Variants in ERBB4 observed in about 807,000 individuals in gnomAD.
ERBB4 encodes receptor tyrosine-protein kinase erbB-4.
A neutral mutation model predicts 158.0 loss-of-function variants in ERBB4; 42 were observed. That is an observed-to-expected ratio of 0.27 (90% CI 0.21 to 0.34). The LOEUF (loss-of-function observed/expected upper bound fraction) is 0.34, where lower values mean the gene tolerates loss of function less well. ERBB4 is among the 10% of genes least tolerant of loss of function. ERBB4 has a pLI of 1.00. For synonymous variants in ERBB4, 583 were observed against 558.7 expected (o/e 1.04, Z -0.61); for missense variants, 1,333 against 1,624.1 (o/e 0.82, Z 3.08).
chr2:211,820,467 A>C (rs1006633534), intron 3 of ERBB4, among the ~76,000 whole-genome samples: 1 of 151,918 alleles, frequency 6.6e-6, no homozygotes, highest in Non-Finnish European at 1.5e-5. Flanking sequence ...GAAAAGTCTA[A>C]GACCAATGGC....
chr2:211,874,613 A>C (rs2078444410), intron 3 of ERBB4, among the ~76,000 whole-genome samples: 1 of 152,172 alleles, frequency 6.6e-6, no homozygotes, highest in East Asian at 1.9e-4. Flanking sequence ...TTCAGGGACC[A>C]GTGCTCTCTC....
At chr2:212,501,152 A>C (rs1478672063) in intron 1 of ERBB4, among the ~76,000 whole-genome samples, 1 of 152,186 alleles carries the variant, frequency 6.6e-6, no homozygotes, top group Non-Finnish European at 1.5e-5. Context: ...GAGGACAAAG[A>C]TACACAGCCA....
chr2:211,485,398 G>A (rs2065178446), intron 20 of ERBB4, among the ~76,000 whole-genome samples: 1 of 152,050 alleles, frequency 6.6e-6, no homozygotes, highest in African/African-American at 2.4e-5. Context: ...CTATAGACCA[G>A]CAGGAGAGTA....
intron 1 of ERBB4, among the ~76,000 whole-genome samples, chr2:212,309,251 C>T (rs939532927): frequency 2.7e-5 from 4 of 150,892 alleles, no homozygotes; most frequent in African/African-American, 9.7e-5. Flanking sequence ...CCAATCAACA[C>T]TTTTAGTCTG....
At chr2:212,101,011 C>G (rs963551776) in intron 2 of ERBB4, among the ~76,000 whole-genome samples, 6 of 152,020 alleles carry the variant, frequency 3.9e-5, no homozygotes, top group Admixed American at 1.3e-4. Context: ...TATGAAGTGT[C>G]TGGGATAGTC....
intron 4 of ERBB4, among the ~76,000 whole-genome samples, chr2:211,758,486 A>T (rs1046546821): frequency 1.3e-5 from 2 of 152,224 alleles, no homozygotes; most frequent in Admixed American, 1.3e-4. Flanking sequence ...AGCATTAATT[A>T]TCACTGTTTA....
At chr2:211,388,920 T>C (rs2062742945) in intron 25 of ERBB4, among the ~76,000 whole-genome samples, 1 of 152,224 alleles carries the variant, frequency 6.6e-6, no homozygotes, top group Admixed American at 6.5e-5. Flanking sequence ...ACAGGGATAA[T>C]GCAAAACACA....
At chr2:212,467,041 T>A (rs1688873198) in intron 1 of ERBB4, among the ~76,000 whole-genome samples, 1 of 152,142 alleles carries the variant, frequency 6.6e-6, no homozygotes. Context: ...AACTTTGAAC[T>A]TGAGATAAAT....
In ERBB4 at chr2:211,386,889, C is replaced by A. The variant is rs781436663; in HGVS notation, c.3445G>T (p.Gly1149Cys). 6.2e-7 allele frequency: 1 copy of A among 1,614,066 alleles called. No homozygotes were observed. The highest frequency in any genetic ancestry group is 1.3e-5 in the African/African-American group (1 of 74,926). The change falls in exon 27 of 28, where the codon GGT becomes TGT. Residue 1149 changes from glycine to cysteine, a missense_variant. Physicochemically the swap from Gly to Cys is radical, Grantham distance 159. This residue lies in a region of ERBB4 where 252 missense variants were observed against 241.3 expected (regional missense o/e 1.04). Coordinates refer to ENST00000342788, the MANE Select transcript of ERBB4 (RefSeq NM_005235.3). ...TTGTCTCGCATAGGAGTCATGTAAC[C>A]TTCCTCATCCAGCTCTCCTCGTGGG... Reference protein sequence around the residue: ...RSPRGELDEEGYMTPMRDKPK... With the variant: ...RSPRGELDEECYMTPMRDKPK...
chr2:211,516,478 C>T (rs936038158), intron 20 of ERBB4, among the ~76,000 whole-genome samples: 2 of 151,782 alleles, frequency 1.3e-5, no homozygotes, highest in Non-Finnish European at 2.9e-5. Flanking sequence ...GGATTATAGG[C>T]GTGCGCCACC....
At position 211,563,594 on chromosome 2, in the gene ERBB4, T is replaced by C. The variant is rs551442725; in HGVS notation, c.2302-1506A>G. Among the ~76,000 whole-genome samples the C allele has an allele frequency of 1.2e-4, 18 of 152,298 alleles. 1 individual carries two copies. The South Asian group carries it at 3.5e-3, about 30-fold the overall frequency. ...AACATTCTTGGGATAATTGAGGAAA[T>C]CTAAATAGGGACTATATATCATGTA... On this transcript the variant is annotated intron_variant, in intron 19 of 27. Coordinates refer to ENST00000342788, the MANE Select transcript of ERBB4 (RefSeq NM_005235.3).
intron 1 of ERBB4, among the ~76,000 whole-genome samples, chr2:212,515,333 T>C (rs1691763849): frequency 6.6e-6 from 1 of 152,214 alleles, no homozygotes; most frequent in Admixed American, 6.5e-5. Context: ...AACTGGTTTG[T>C]AGTCCACAGA....
chr2:212,260,649 C>A (rs1393790954), intron 1 of ERBB4, among the ~76,000 whole-genome samples: 3 of 151,952 alleles, frequency 2.0e-5, no homozygotes, highest in African/African-American at 7.3e-5. Context: ...CCCGTCTCTA[C>A]TAAAAATACA....
intron 1 of ERBB4, among the ~76,000 whole-genome samples, chr2:212,299,836 C>G (rs10170924): frequency 0.96 from 145,213 of 151,660 alleles, 69,596 homozygotes; most frequent in African/African-American, 0.99. Flanking sequence ...AATTCAGTTT[C>G]TTTTGTGCAT....
At chr2:211,793,853 G>T (rs1364259305) in intron 3 of ERBB4, among the ~76,000 whole-genome samples, 2 of 151,872 alleles carry the variant, frequency 1.3e-5, no homozygotes, top group Non-Finnish European at 2.9e-5. Context: ...TGCTTGAGGA[G>T]ACAATGGCTC....
At chr2:212,009,640 G>A (rs2076337862) in intron 2 of ERBB4, among the ~76,000 whole-genome samples, 1 of 152,164 alleles carries the variant, frequency 6.6e-6, no homozygotes, top group African/African-American at 2.4e-5. Context: ...AGGAAGTTGA[G>A]AGTGAGAGAG....
intron 2 of ERBB4, among the ~76,000 whole-genome samples, chr2:212,050,894 C>T (rs2077381715): frequency 6.6e-6 from 1 of 152,120 alleles, no homozygotes. Context: ...AATCCACCTC[C>T]AGAAAATGGG....
intron 2 of ERBB4, among the ~76,000 whole-genome samples, chr2:211,975,054 G>A (rs558412278): frequency 1.9e-3 from 287 of 152,048 alleles, no homozygotes; most frequent in African/African-American, 6.0e-3. Context: ...CACAATCGCA[G>A]CCCACTGCAG....
chr2:211,642,739 A>C (rs1419331082), intron 16 of ERBB4, among the ~76,000 whole-genome samples: 1 of 152,130 alleles, frequency 6.6e-6, no homozygotes, highest in Non-Finnish European at 1.5e-5. Context: ...ATGAAAGTTT[A>C]CTTCCATAAA....
Sources: gnomAD v4.1 joint callset for allele counts (sites outside exome capture counted in the v4.1 genomes callset) on GRCh38, gnomAD v4.1.1 for gene constraint, gnomAD v4.1.1 regional missense constraint, MANE v1.5 for transcripts, NCBI Gene and HGNC (gene_info 2026-07-23, HGNC 2026-07-21) for gene names.